The following RRN3 variants were observed in gnomAD, a reference collection of about 807,000 sequenced individuals.
The protein encoded by RRN3 is RNA polymerase I-specific transcription initiation factor RRN3.
In RRN3, 38 loss-of-function variants were observed where a neutral mutation model predicts 82.3. The observed-to-expected ratio is 0.46, with a 90% CI of 0.36 to 0.61. The LOEUF (loss-of-function observed/expected upper bound fraction) is 0.61. Ranked by LOEUF, RRN3 falls within the 20% of genes least tolerant of loss-of-function variation. The probability of loss-of-function intolerance (pLI) is 0.00; values close to 1 mark genes in which losing one functional copy is unlikely to be tolerated. For synonymous variants in RRN3, 284 were observed against 284.3 expected (o/e 1.00, Z 0.01); for missense variants, 726 against 793.1 (o/e 0.92, Z 1.02).
At chr16:15,066,250 T>C (rs1199853023) in intron 15 of RRN3, among the ~76,000 whole-genome samples, 1 of 152,096 alleles carries the variant, frequency 6.6e-6, no homozygotes, top group African/African-American at 2.4e-5. Context: ...AAGATCTGCA[T>C]CTCCTACAAC....
intron 8 of RRN3, among the ~76,000 whole-genome samples, chr16:15,081,245 T>C (rs2045691253): frequency 6.6e-6 from 1 of 152,232 alleles, no homozygotes; most frequent in East Asian, 1.9e-4. Flanking sequence ...GAAATGGAAC[T>C]GCTGAGTCAC....
At chr16:15,068,759 C>A (rs1293874029) in intron 14 of RRN3, among the ~76,000 whole-genome samples, 2 of 152,104 alleles carry the variant, frequency 1.3e-5, no homozygotes, top group Non-Finnish European at 2.9e-5. Flanking sequence ...TCCAAATTTG[C>A]CTTCTACCTC....
At chr16:15,085,271 T>C (rs1028384588) in intron 6 of RRN3, among the ~76,000 whole-genome samples, 1 of 151,898 alleles carries the variant, frequency 6.6e-6, no homozygotes, top group Non-Finnish European at 1.5e-5. Flanking sequence ...ACATCAAAGG[T>C]TGTCATTTGT....
intron 8 of RRN3, among the ~76,000 whole-genome samples, chr16:15,081,172 T>C (rs1281544255): frequency 6.6e-6 from 1 of 152,248 alleles, no homozygotes; most frequent in East Asian, 1.9e-4. Context: ...GATGCTGCTA[T>C]GACCATCCAT....
Position 15,079,986 on chromosome 16 carries a change from C to T in RRN3, c.765+12G>A, listed in dbSNP as rs767678833. The T allele has an allele frequency of 6.3e-6, 10 of 1,580,478 alleles. No homozygotes were observed. In the East Asian group the frequency reaches 2.2e-4, roughly 35 times the overall value. On this transcript the variant is annotated intron_variant, in intron 9 of 17. Coordinates refer to ENST00000198767, the MANE Select transcript of RRN3 (RefSeq NM_018427.5). ...AGTAAATGAAAATAAAAATAGATTACTCAATACTTACATCCAACTTGAGTA... is the reference window on the plus strand; with the variant it reads ...AGTAAATGAAAATAAAAATAGATTATTCAATACTTACATCCAACTTGAGTA...
rs1340868563 is a variant in RRN3, at chr16:15,071,213, T to C, written c.1167A>G (p.Lys389=). ...AEAFLEHLWK[K]LQDPSNPAII... is the part of the protein sequence containing the mutation. The stretch of plus-strand genomic sequence containing the variant: ...TGGCAGGATTACTTGGGTCCTGCAA[T>C]TTTTTCCAGAGATGTTCCAAAAATG... Residue 389 remains lysine, a synonymous_variant, in exon 13 of 18, where the codon AAA becomes AAG. Transcript: ENST00000198767. The C allele has an allele frequency of 1.9e-6, 3 of 1,610,774 alleles. No individual in the cohort carries two copies. Among genetic ancestry groups the C allele is most frequent in the South Asian group, 2.2e-5 (2 of 90,622 alleles).
rs373671554 is a variant in RRN3, at chr16:15,082,491, G to A, written c.666+1022C>T. Among the ~76,000 whole-genome samples the A allele has an allele frequency of 4.0e-4, 61 of 152,010 alleles. 1 individual carries two copies. The highest frequency in any genetic ancestry group is 5.9e-4 in the Non-Finnish European group (40 of 67,986). On this transcript the variant is annotated intron_variant, in intron 8 of 17. Transcript: ENST00000198767. Reference sequence around the variant, plus strand: ...AGTTCAAGACCAGTCTGGCCAACGCGGCAAAATCCCATCTCTACCAAAAAC... The same window carrying A: ...AGTTCAAGACCAGTCTGGCCAACGCAGCAAAATCCCATCTCTACCAAAAAC...
At chr16:15,079,133 A>T (rs1228484314) in intron 9 of RRN3, among the ~76,000 whole-genome samples, 1 of 151,134 alleles carries the variant, frequency 6.6e-6, no homozygotes, top group South Asian at 2.1e-4. Flanking sequence ...TCTAACTACC[A>T]TTAATGGCAA....
Position 15,071,183 on chromosome 16 carries a change from G to A in RRN3, c.1197C>T (p.Ile399=), listed in dbSNP as rs377335125. ...CAATATAATTTCCAGCAGCCTGCCT[G>A]ATGATGGCAGGATTACTTGGGTCCT... ...KLQDPSNPAI[I]RQAAGNYIGS... is the part of the protein sequence containing the mutation. Residue 399 remains isoleucine (I), a synonymous_variant, in exon 13 of 18, where the codon ATC becomes ATT. Transcript: ENST00000198767. 4 of 1,610,594 alleles carry A rather than the reference G, an allele frequency of 2.5e-6. No homozygotes were observed. Among genetic ancestry groups the A allele is most frequent in the African/African-American group, 1.3e-5 (1 of 74,820 alleles).
intron 1 of RRN3, 51 bp downstream of exon 1, chr16:15,094,094 C>T (rs756153921): frequency 9.4e-6 from 14 of 1,492,040 alleles, no homozygotes; most frequent in African/African-American, 1.4e-5. Flanking sequence ...CTCTAAGCGC[C>T]GTCCTGAGCT....
rs2045065595 is a variant in RRN3 at position 15,068,289 on chromosome 16, A to AG, written c.1445-13_1445-12insC. ...AAGATACTGCAAACCTTTGGTTTAA[A>AG]AAAAAAAAAGATTTTTTTAAAGGTA... On this transcript the variant is annotated splice_polypyrimidine_tract_variant and intron_variant, in intron 14 of 17. Coordinates refer to ENST00000198767, the MANE Select transcript of RRN3 (RefSeq NM_018427.5). The AG allele has an allele frequency of 6.4e-7, 1 of 1,560,366 alleles. No individual in the cohort carries two copies. The highest frequency in any genetic ancestry group is 1.4e-5 in the African/African-American group (1 of 71,936).
intron 16 of RRN3, among the ~76,000 whole-genome samples, chr16:15,063,724 A>G (rs1272424226): frequency 1.4e-5 from 2 of 146,120 alleles, no homozygotes; most frequent in African/African-American, 2.5e-5. Context: ...AAAAAAAAAG[A>G]AAAAAACAAA....
At chr16:15,089,705 C>T (rs2046046858) in intron 3 of RRN3, among the ~76,000 whole-genome samples, 1 of 135,490 alleles carries the variant, frequency 7.4e-6, no homozygotes, top group African/African-American at 2.8e-5. Context: ...GAGGCTGAGG[C>T]AGGAGAATCG....
intron 9 of RRN3, among the ~76,000 whole-genome samples, chr16:15,078,047 C>G (rs1046052722): frequency 6.6e-6 from 1 of 152,170 alleles, no homozygotes; most frequent in African/African-American, 2.4e-5. Context: ...TATCACCATT[C>G]AAATATCTTA....
Position 15,094,239 on chromosome 16 carries a change from C to G in RRN3, c.-6G>C. ...TGAAGCAGCGGTGCCGCCATTGGGC[C>G]GAACTAACGCGACCGCTGCGCCTCA... On this transcript the variant is annotated 5_prime_UTR_variant, in exon 1 of 18. Transcript: ENST00000198767. 1 of 1,572,186 alleles carries G rather than the reference C, an allele frequency of 6.4e-7. No homozygotes were observed. The highest frequency in any genetic ancestry group is 8.6e-7 in the Non-Finnish European group (1 of 1,158,068).
chr16:15,065,147 C>CAAA, intron 16 of RRN3, 72 bp downstream of exon 16: 1 of 1,472,622 alleles, frequency 6.8e-7, no homozygotes, highest in Non-Finnish European at 9.2e-7. Context: ...GCCTGGGCGA[C>CAAA]AGAGTGAGAC....
chr16:15,078,351 T>C lies in RRN3; in HGVS notation c.765+1647A>G, dbSNP rs551807196. Among the ~76,000 whole-genome samples, 5 of 152,222 alleles carry C rather than the reference T, an allele frequency of 3.3e-5. No individual in the cohort carries two copies. In the South Asian group the frequency reaches 1.0e-3, roughly 32 times the overall value. ...TCTCTCCACTCCTAAACCACGCCTC[T>C]TAGCCCTGCTCCATCCCCTCCTTCC... On this transcript the variant is annotated intron_variant, in intron 9 of 17. Transcript: ENST00000198767.
chr16:15,068,331 G>T (rs2045068326), intron 14 of RRN3, 54 bp from the exon 15 acceptor site: 2 of 1,521,462 alleles, frequency 1.3e-6, no homozygotes, highest in South Asian at 2.5e-5. Flanking sequence ...AGTGAAAAGT[G>T]TAAGATACTT....
At chr16:15,085,952 C>A (rs2045901386) in intron 5 of RRN3, among the ~76,000 whole-genome samples, 177 bp downstream of exon 5, 1 of 152,130 alleles carries the variant, frequency 6.6e-6, no homozygotes, top group Non-Finnish European at 1.5e-5. Context: ...AAACTCACAG[C>A]AACAAATGAA....
Sources: gnomAD v4.1 joint callset for allele counts (sites outside exome capture counted in the v4.1 genomes callset) on GRCh38, gnomAD v4.1.1 for gene constraint, MANE v1.5 for transcripts, NCBI Gene and HGNC (gene_info 2026-07-23, HGNC 2026-07-21) for gene names.